Variants in SNCB observed in about 807,000 individuals in gnomAD.
The protein encoded by SNCB is beta-synuclein.
SNCB carries 8 observed loss-of-function variants against 20.0 expected under a neutral mutation model. The ratio of observed to expected loss-of-function variants is 0.40; its 90% CI spans 0.24 to 0.72. The LOEUF (loss-of-function observed/expected upper bound fraction) is 0.72. Among genes scored for constraint, SNCB ranks in the 30% least tolerant of loss-of-function variants. The pLI is 0.37. For synonymous variants in SNCB, 56 were observed against 65.4 expected (o/e 0.86, Z 0.69); for missense variants, 125 against 168.0 (o/e 0.74, Z 1.41).
At position 176,626,358 on chromosome 5, in the gene SNCB, GT is replaced by G. The variant is rs1759942915; in HGVS notation, c.282+39del. 8.2e-6 allele frequency: 9 copies of G among 1,103,620 alleles called. No individual in the cohort carries two copies. The highest frequency in any genetic ancestry group is 1.3e-5 in the Non-Finnish European group (9 of 715,486). The allele number at this position is 1,103,620 out of a possible 1,614,324, so 68.4% of individuals were successfully genotyped here. ...CTGGTGTGTGTGTGTGTGTGTGTGTGTGTGTTTGCCTGCATGTGCGGGTCAG... is the reference window on the plus strand; with the variant it reads ...CTGGTGTGTGTGTGTGTGTGTGTGTGGTGTTTGCCTGCATGTGCGGGTCAG... On this transcript the variant is annotated intron_variant, in intron 4 of 5. Coordinates refer to ENST00000393693, the MANE Select transcript of SNCB (RefSeq NM_003085.5). The surrounding 1 kb of genome is among the most constrained non-coding windows in gnomAD (Gnocchi z 4.2).
chr5:176,620,612 T>C lies in SNCB; in HGVS notation c.*199A>G. On this transcript the variant is annotated 3_prime_UTR_variant, in exon 6 of 6. Transcript: ENST00000393693. This position sits in a 1 kb window ranked among gnomAD's most constrained non-coding sequence, Gnocchi z 4.5. ...CCAGCCGCGACCGCAACCCTGGCCCTGTCCATGCCCCGGGGTTGGACGCGG... is the reference window on the plus strand; with the variant it reads ...CCAGCCGCGACCGCAACCCTGGCCCCGTCCATGCCCCGGGGTTGGACGCGG... The C allele has an allele frequency of 1.6e-6, 1 of 613,976 alleles. No individual in the cohort carries two copies. The highest frequency in any genetic ancestry group is 2.9e-6 in the Non-Finnish European group (1 of 343,688). 38.0% of individuals were successfully genotyped at this position (613,976 alleles called of 1,614,324 possible).
At chr5:176,624,518 T>C (rs945130343) in intron 4 of SNCB, among the ~76,000 whole-genome samples, 1 of 152,110 alleles carries the variant, frequency 6.6e-6, no homozygotes, top group Non-Finnish European at 1.5e-5. Context: ...TGGGAAGTCA[T>C]GGCCGGGTGC....
In SNCB at chr5:176,626,939, A is replaced by C. The variant is rs758732742; in HGVS notation, c.122-178T>G. 4.6e-5 allele frequency among the ~76,000 whole-genome samples: 7 copies of C among 151,456 alleles called. No individual in the cohort carries two copies. The highest frequency in any genetic ancestry group is 2.0e-4 in the Admixed American group (3 of 15,206). On this transcript the variant is annotated intron_variant, in intron 2 of 5. Transcript: ENST00000393693. This position sits in a 1 kb window ranked among gnomAD's most constrained non-coding sequence, Gnocchi z 4.2. Reference sequence around the variant, plus strand: ...GTCTTATCACTGCACTGGGCCCCACACCTCTGTCTGCAAGGGTTGCAGTTC... The same window carrying C: ...GTCTTATCACTGCACTGGGCCCCACCCCTCTGTCTGCAAGGGTTGCAGTTC...
At position 176,626,272 on chromosome 5, in the gene SNCB, T is replaced by C; in HGVS notation, c.282+126A>G. The C allele has an allele frequency of 6.3e-6, 5 of 799,422 alleles. No individual in the cohort carries two copies. The highest frequency in any genetic ancestry group is 8.8e-6 in the Non-Finnish European group (4 of 453,244). The allele number at this position is 799,422 out of a possible 1,614,324, so 49.5% of individuals were successfully genotyped here. On this transcript the variant is annotated intron_variant, in intron 4 of 5. Coordinates refer to ENST00000393693, the MANE Select transcript of SNCB (RefSeq NM_003085.5). The surrounding 1 kb of genome is among the most constrained non-coding windows in gnomAD (Gnocchi z 4.2). ...CTGCAGGATGGGAGGCAAAGTGGCT[T>C]GTGTTCCAAGCTGGTGGCAGGATTA...
At position 176,620,679 on chromosome 5, in the gene SNCB, C is replaced by T. The variant is rs1759522768; in HGVS notation, c.*132G>A. ...GATGGACAGACACTAACACAGGCTC[C>T]GAGGGGGTTGCCTCAGAGCGGAAGG... On this transcript the variant is annotated 3_prime_UTR_variant, in exon 6 of 6. Transcript: ENST00000393693. The surrounding 1 kb of genome is among the most constrained non-coding windows in gnomAD (Gnocchi z 4.5). 6.7e-5 allele frequency: 51 copies of T among 765,232 alleles called. 2 individuals carry two copies. Among genetic ancestry groups the T allele is most frequent in the South Asian group, 6.6e-4 (47 of 70,706 alleles). The allele number at this position is 765,232 out of a possible 1,614,324, so 47.4% of individuals were successfully genotyped here.
In SNCB at chr5:176,620,994, G is replaced by A; in HGVS notation, c.373-151C>T. The A allele has an allele frequency of 4.9e-6, 4 of 817,896 alleles. No homozygotes were observed. Among genetic ancestry groups the A allele is most frequent in the Admixed American group, 2.0e-5 (1 of 49,780 alleles). The allele number at this position is 817,896 out of a possible 1,614,324, so 50.7% of individuals were successfully genotyped here. On this transcript the variant is annotated intron_variant, in intron 5 of 5. Transcript: ENST00000393693. This position sits in a 1 kb window ranked among gnomAD's most constrained non-coding sequence, Gnocchi z 4.5. The stretch of plus-strand genomic sequence containing the variant: ...GGGCAGGGGAGGAGCCTGGAAGTTG[G>A]GGACAACAGAGAATTCTTGGGCAGG...
In SNCB at chr5:176,629,299, C is replaced by T. The variant is rs1257130568; in HGVS notation, c.121+235G>A. The T allele has an allele frequency of 1.7e-6, 1 of 577,166 alleles. No individual in the cohort carries two copies. The highest frequency in any genetic ancestry group is 3.1e-6 in the Non-Finnish European group (1 of 322,388). The allele number at this position is 577,166 out of a possible 1,614,324, so 35.8% of individuals were successfully genotyped here. ...GTCTGCTTTCATCACTGCACTGGTC[C>T]CTGGCCTTTCAGCTGGAGCCCCCCA... On this transcript the variant is annotated intron_variant, in intron 2 of 5. Transcript: ENST00000393693. This position sits in a 1 kb window ranked among gnomAD's most constrained non-coding sequence, Gnocchi z 4.1.
At position 176,620,751 on chromosome 5, in the gene SNCB, T is replaced by TG. The variant is rs1172018494; in HGVS notation, c.*59dup. ...AGGAGTCTAAGGACAGCCCTGGCTC[T>TG]GGGGGGCGGGGCAGGGACAGGGACA... On this transcript the variant is annotated 3_prime_UTR_variant, in exon 6 of 6. Coordinates refer to ENST00000393693, the MANE Select transcript of SNCB (RefSeq NM_003085.5). This position sits in a 1 kb window ranked among gnomAD's most constrained non-coding sequence, Gnocchi z 4.5. The TG allele has an allele frequency of 9.3e-6, 11 of 1,186,868 alleles. No individual in the cohort carries two copies. The highest frequency in any genetic ancestry group is 4.6e-5 in the East Asian group (2 of 43,640). The allele number at this position is 1,186,868 out of a possible 1,614,324, so 73.5% of individuals were successfully genotyped here. A position where few individuals can be genotyped will look rare whatever the true frequency, so the allele number is the denominator to read the frequency against.
Position 176,629,924 on chromosome 5 carries a change from C to A in SNCB, c.-9-261G>T. 1 of 436,732 alleles carries A rather than the reference C, an allele frequency of 2.3e-6. No homozygotes were observed. Among genetic ancestry groups the A allele is most frequent in the Non-Finnish European group, 4.1e-6 (1 of 243,088 alleles). 27.1% of individuals were successfully genotyped at this position (436,732 alleles called of 1,614,324 possible). A position where few individuals can be genotyped will look rare whatever the true frequency, so the allele number is the denominator to read the frequency against. On this transcript the variant is annotated intron_variant, in intron 1 of 5. Coordinates refer to ENST00000393693, the MANE Select transcript of SNCB (RefSeq NM_003085.5). The surrounding 1 kb of genome is among the most constrained non-coding windows in gnomAD (Gnocchi z 4.1). ...CGGGCCCTGCAAACTGCAGCCCCGT[C>A]GAACCGGAGTGCTGGGTTCGGCGCG...
chr5:176,620,445 G>A lies in SNCB; in HGVS notation c.*366C>T, dbSNP rs1759507440. ...ATGGGAGTCGGGCGGGGTGCTCTGGGGCTGCCCGGGGGCCGCTTGGAGAGC... is the reference window on the plus strand; with the variant it reads ...ATGGGAGTCGGGCGGGGTGCTCTGGAGCTGCCCGGGGGCCGCTTGGAGAGC... On this transcript the variant is annotated 3_prime_UTR_variant, in exon 6 of 6. Coordinates refer to ENST00000393693, the MANE Select transcript of SNCB (RefSeq NM_003085.5). The surrounding 1 kb of genome is among the most constrained non-coding windows in gnomAD (Gnocchi z 4.5). The A allele has an allele frequency of 3.1e-6, 1 of 325,806 alleles. No homozygotes were observed. The highest frequency in any genetic ancestry group is 4.5e-5 in the Admixed American group (1 of 22,320). 20.2% of individuals were successfully genotyped at this position (325,806 alleles called of 1,614,324 possible).
At position 176,621,116 on chromosome 5, in the gene SNCB, GC is replaced by G. The variant is rs1422825968; in HGVS notation, c.372+97del. ...TAGAAGAGGGATGTCAAGCTCCCTG[GC>G]CCAACCATCTCATGCCAGGGATGTC... On this transcript the variant is annotated intron_variant, in intron 5 of 5. Transcript: ENST00000393693. The surrounding 1 kb of genome is among the most constrained non-coding windows in gnomAD (Gnocchi z 4.1). 4.3e-5 allele frequency: 44 copies of G among 1,020,016 alleles called. No individual in the cohort carries two copies. In the East Asian group the frequency reaches 1.1e-3, roughly 26 times the overall value. 63.2% of individuals were successfully genotyped at this position (1,020,016 alleles called of 1,614,324 possible). A position where few individuals can be genotyped will look rare whatever the true frequency, so the allele number is the denominator to read the frequency against.
rs1222546333 is a variant in SNCB at position 176,621,605 on chromosome 5, C to T, written c.283-302G>A. 1.3e-5 allele frequency among the ~76,000 whole-genome samples: 2 copies of T among 152,196 alleles called. No individual in the cohort carries two copies. Among genetic ancestry groups the T allele is most frequent in the African/African-American group, 4.8e-5 (2 of 41,458 alleles). On this transcript the variant is annotated intron_variant, in intron 4 of 5. Transcript: ENST00000393693. The surrounding 1 kb of genome is among the most constrained non-coding windows in gnomAD (Gnocchi z 4.1). Reference sequence around the variant, plus strand: ...TTGGATACTCAGTCACCAGCTTATGCCTCATCCTTTGTGTCAGGCTCTGTG... The same window carrying T: ...TTGGATACTCAGTCACCAGCTTATGTCTCATCCTTTGTGTCAGGCTCTGTG...
chr5:176,621,286 CT>C lies in SNCB; in HGVS notation c.299del (p.Gln100ArgfsTer8). 2 of 1,613,682 alleles carry C rather than the reference CT, an allele frequency of 1.2e-6. No individual in the cohort carries two copies. Among genetic ancestry groups the C allele is most frequent in the Non-Finnish European group, 1.7e-6 (2 of 1,179,896 alleles). ...CAATCAGTGGTTCTTCAGCAGCTTC[CT>C]GGGCCACTTCCTCTGGCTGTGGGCA... ...PTDLKPEEVAQEAAEEPLIEP... is the reference protein window; with the variant it reads ...PTDLKPEEVAXEAAEEPLIEP... On this transcript the variant is annotated frameshift_variant, in exon 5 of 6. Transcript: ENST00000393693. LOFTEE classifies it high-confidence loss of function. This position sits in a 1 kb window ranked among gnomAD's most constrained non-coding sequence, Gnocchi z 4.1.
intron 2 of SNCB, among the ~76,000 whole-genome samples, chr5:176,627,658 C>CG (rs10706675): frequency 5.6e-5 from 8 of 143,038 alleles, no homozygotes; most frequent in Admixed American, 1.4e-4. Context: ...CTGAGCCCGG[C>CG]GGGGGGGTGG....
intron 4 of SNCB, among the ~76,000 whole-genome samples, chr5:176,623,081 C>T (rs143787999): frequency 2.9e-4 from 44 of 152,200 alleles, no homozygotes; most frequent in African/African-American, 9.6e-4. Context: ...TAGTGTTGTG[C>T]TGATAGAAGC....
Position 176,626,924 on chromosome 5 carries a change from T to C in SNCB, c.122-163A>G, listed in dbSNP as rs1453453245. 6.6e-6 allele frequency among the ~76,000 whole-genome samples: 1 copy of C among 152,044 alleles called. No individual in the cohort carries two copies. The highest frequency in any genetic ancestry group is 1.5e-5 in the Non-Finnish European group (1 of 67,960). ...CCCATGTTAACCCCCGTCTTATCAC[T>C]GCACTGGGCCCCACACCTCTGTCTG... On this transcript the variant is annotated intron_variant, in intron 2 of 5. Transcript: ENST00000393693. This position sits in a 1 kb window ranked among gnomAD's most constrained non-coding sequence, Gnocchi z 4.2.
At chr5:176,625,293 C>T (rs900411579) in intron 4 of SNCB, among the ~76,000 whole-genome samples, 3 of 152,198 alleles carry the variant, frequency 2.0e-5, no homozygotes, top group Non-Finnish European at 4.4e-5. Flanking sequence ...CAACCTCACC[C>T]GGGTACTTGT....
chr5:176,626,687 A>C lies in SNCB; in HGVS notation c.163+33T>G. ...CCCGGCCAGATCATCCGCCTAAGTG[A>C]GAGAAGGGCTGGTGCCAGGGCTGGG... On this transcript the variant is annotated intron_variant, in intron 3 of 5. Transcript: ENST00000393693. This position sits in a 1 kb window ranked among gnomAD's most constrained non-coding sequence, Gnocchi z 4.2. 6.2e-7 allele frequency: 1 copy of C among 1,612,038 alleles called. No homozygotes were observed. The highest frequency in any genetic ancestry group is 8.5e-7 in the Non-Finnish European group (1 of 1,178,540).
In SNCB at chr5:176,621,139, T is replaced by G. The variant is rs1759565029; in HGVS notation, c.372+75A>C. ...TGGCCCAACCATCTCATGCCAGGGA[T>G]GTCCCACCCCAGCTAGGGACGGCAG... On this transcript the variant is annotated intron_variant, in intron 5 of 5. Coordinates refer to ENST00000393693, the MANE Select transcript of SNCB (RefSeq NM_003085.5). The surrounding 1 kb of genome is among the most constrained non-coding windows in gnomAD (Gnocchi z 4.1). The G allele has an allele frequency of 8.4e-7, 1 of 1,194,022 alleles. No individual in the cohort carries two copies. The highest frequency in any genetic ancestry group is 1.2e-6 in the Non-Finnish European group (1 of 818,314). The allele number at this position is 1,194,022 out of a possible 1,614,324, so 74.0% of individuals were successfully genotyped here.
Sources: gnomAD v4.1 joint callset for allele counts (sites outside exome capture counted in the v4.1 genomes callset) on GRCh38, gnomAD v4.1.1 for gene constraint, Gnocchi (gnomAD v3.1) non-coding constraint, MANE v1.5 for transcripts, NCBI Gene and HGNC (gene_info 2026-07-23, HGNC 2026-07-21) for gene names.